MGAT5: variants seen among roughly 807,000 people sequenced by gnomAD.
The protein encoded by MGAT5 is alpha-1,6-mannosylglycoprotein 6-beta-N-acetylglucosaminyltransferase A.
MGAT5 carries 30 observed loss-of-function variants against 94.3 expected under a neutral mutation model. The observed-to-expected ratio is 0.32, with a 90% CI of 0.24 to 0.43. The LOEUF (loss-of-function observed/expected upper bound fraction) is 0.43, where lower values mean the gene tolerates loss of function less well. Among genes scored for constraint, MGAT5 ranks in the 20% least tolerant of loss-of-function variants. MGAT5 has a pLI of 1.00. For missense variants in MGAT5, 691 were observed against 905.5 expected (o/e 0.76, Z 3.04); for synonymous variants, 310 against 322.9 (o/e 0.96, Z 0.43).
intron 2 of MGAT5, among the ~76,000 whole-genome samples, chr2:134,309,864 G>A (rs186322271): frequency 2.0e-5 from 3 of 152,178 alleles, no homozygotes; most frequent in East Asian, 1.9e-4. Context: ...AGCTTAATTC[G>A]ACAATTCTGC....
At chr2:134,250,280 C>G (rs532609258), upstream of MGAT5, among the ~76,000 whole-genome samples, 1 of 152,340 alleles carries the variant, frequency 6.6e-6, no homozygotes, top group South Asian at 2.1e-4. Context: ...TGACATTACT[C>G]TGGTTGGCAA....
chr2:134,321,909 C>A (rs1687347077), intron 4 of MGAT5, among the ~76,000 whole-genome samples: 1 of 152,154 alleles, frequency 6.6e-6, no homozygotes, highest in African/African-American at 2.4e-5. Flanking sequence ...TGAATATAAC[C>A]CTGAACCTCA....
chr2:134,126,448 A>G (rs2104884287), intron 1 of MGAT5, among the ~76,000 whole-genome samples: 1 of 152,366 alleles, frequency 6.6e-6, no homozygotes, highest in South Asian at 2.1e-4. Flanking sequence ...GGCTTGTAAC[A>G]TAAATTAAAT....
At chr2:134,265,143 A>T (rs950459842) in intron 1 of MGAT5, among the ~76,000 whole-genome samples, 24 of 152,360 alleles carry the variant, frequency 1.6e-4, no homozygotes, top group African/African-American at 5.5e-4. Flanking sequence ...GTTCCAGGAA[A>T]AATGGGGTGG....
intron 1 of MGAT5, among the ~76,000 whole-genome samples, chr2:134,129,530 A>G (rs1022362553): frequency 6.6e-6 from 1 of 152,178 alleles, no homozygotes; most frequent in African/African-American, 2.4e-5. Context: ...CTCTTTATGT[A>G]AAGGAACTAT....
intron 1 of MGAT5, among the ~76,000 whole-genome samples, chr2:134,255,197 C>T (rs1033439176): frequency 4.8e-4 from 73 of 152,212 alleles, no homozygotes; most frequent in African/African-American, 1.7e-3. Flanking sequence ...TCTAACTGCC[C>T]TCACTTTGAA....
rs1410675839 is a variant in MGAT5 at position 134,453,830 on chromosome 2, C to T, written c.*4983C>T. ...ATGTTTTCCCAAATCACCTAAATAT[C>T]GGTTTGCTTTTTGTTTTGGGGGAGA... On this transcript the variant is annotated 3_prime_UTR_variant, in exon 16 of 16. Coordinates refer to ENST00000281923, the MANE Select transcript of MGAT5 (RefSeq NM_002410.5). 1.3e-5 allele frequency: 2 copies of T among 152,200 alleles called. No homozygotes were observed. The highest frequency in any genetic ancestry group is 2.1e-4 in the South Asian group (1 of 4,834). The allele number at this position is 152,200 out of a possible 1,614,324, so 9.4% of individuals were successfully genotyped here.
intron 1 of MGAT5, among the ~76,000 whole-genome samples, chr2:134,181,412 T>C (rs1169735943): frequency 6.6e-6 from 1 of 152,198 alleles, no homozygotes; most frequent in Non-Finnish European, 1.5e-5. Context: ...CTTGTGTGGT[T>C]GGGAGGTTTT....
intron 10 of MGAT5, among the ~76,000 whole-genome samples, chr2:134,371,877 A>C (rs1370629261): frequency 6.6e-6 from 1 of 151,784 alleles, no homozygotes; most frequent in Non-Finnish European, 1.5e-5. Flanking sequence ...TCTGTGTTCC[A>C]GGGAGATTCA....
chr2:134,377,518 C>G (rs1224448230), intron 10 of MGAT5, among the ~76,000 whole-genome samples: 1 of 152,208 alleles, frequency 6.6e-6, no homozygotes, highest in African/African-American at 2.4e-5. Flanking sequence ...GATTCAATAG[C>G]TGTGTCCTCA....
chr2:134,192,827 G>T (rs897197630), intron 1 of MGAT5, among the ~76,000 whole-genome samples: 1 of 152,034 alleles, frequency 6.6e-6, no homozygotes, highest in Non-Finnish European at 1.5e-5. Flanking sequence ...AATCTGTTGT[G>T]ATATAAAAGG....
intron 1 of MGAT5, among the ~76,000 whole-genome samples, chr2:134,131,572 ATTTTTTTTTTTTTT>A (rs10617178): frequency 2.1e-4 from 18 of 85,230 alleles, no homozygotes; most frequent in African/African-American, 7.4e-4. Context: ...TGGTAGATTG[ATTTTTTTTTTTTTT>A]TTTTTTTTTT....
intron 1 of MGAT5, among the ~76,000 whole-genome samples, chr2:134,265,402 C>T (rs533653012): frequency 1.8e-4 from 27 of 152,254 alleles, no homozygotes; most frequent in African/African-American, 6.5e-4. Flanking sequence ...GTCTGTCAGG[C>T]CCTTCCAATC....
At chr2:134,137,326 G>A (rs538058824) in intron 1 of MGAT5, among the ~76,000 whole-genome samples, 17 of 152,330 alleles carry the variant, frequency 1.1e-4, no homozygotes, top group African/African-American at 4.1e-4. Flanking sequence ...CCATAGGAAT[G>A]CACTTCCTCT....
At chr2:134,194,829 T>C (rs1378304665) in intron 1 of MGAT5, among the ~76,000 whole-genome samples, 1 of 152,330 alleles carries the variant, frequency 6.6e-6, no homozygotes, top group East Asian at 1.9e-4. Flanking sequence ...ATATCTTCCA[T>C]GAGCATTTGC....
chr2:134,336,159 A>G (rs980036919), intron 4 of MGAT5, 58 bp from the exon 5 acceptor site: 3 of 1,385,616 alleles, frequency 2.2e-6, no homozygotes, highest in Admixed American at 3.7e-5. Flanking sequence ...GGTGCTTTTT[A>G]TGTATATTAA....
intron 1 of MGAT5, among the ~76,000 whole-genome samples, chr2:134,247,384 A>C (rs76028656): frequency 0.017 from 2,499 of 150,984 alleles, 37 homozygotes; most frequent in African/African-American, 0.03. Context: ...ACAAAAAAAA[A>C]ACGTAAACTA....
At chr2:134,416,474 C>CTTTTTTTTTTTTT (rs71275904) in intron 12 of MGAT5, among the ~76,000 whole-genome samples, 6 of 139,172 alleles carry the variant, frequency 4.3e-5, no homozygotes, top group East Asian at 2.3e-4. Context: ...TCATTCCTTA[C>CTTTTTTTTTTTTT]TTTTTTTTTT....
intron 2 of MGAT5, among the ~76,000 whole-genome samples, chr2:134,285,333 G>A (rs1684940480): frequency 6.6e-6 from 1 of 151,918 alleles, no homozygotes; most frequent in Admixed American, 6.6e-5. Context: ...TTTTAAGGGA[G>A]CATTCTCTTT....
Sources: allele counts gnomAD v4.1 joint callset (sites outside exome capture counted in the v4.1 genomes callset), GRCh38; gene constraint gnomAD v4.1.1; transcripts MANE v1.5; gene names NCBI Gene and HGNC (gene_info 2026-07-23, HGNC 2026-07-21).